Variants in NAALADL2 observed in about 807,000 individuals in gnomAD.
NAALADL2 encodes inactive N-acetylated-alpha-linked acidic dipeptidase-like protein 2.
A neutral mutation model predicts 87.2 loss-of-function variants in NAALADL2; 76 were observed. The observed-to-expected ratio is 0.87, with a 90% confidence interval of 0.72 to 1.05. The LOEUF (loss-of-function observed/expected upper bound fraction) is 1.05, where lower values mean the gene tolerates loss of function less well. Ranked by LOEUF, NAALADL2 falls within the 50% of genes least tolerant of loss-of-function variation. The probability of loss-of-function intolerance (pLI) is 0.00; values close to 1 mark genes in which losing one functional copy is unlikely to be tolerated. For synonymous variants in NAALADL2, 354 were observed against 331.0 expected (o/e 1.07, Z -0.75); for missense variants, 1,089 against 945.8 (o/e 1.15, Z -1.99).
In NAALADL2 at chr3:174,736,344, A is replaced by C. The variant is rs188948844; in HGVS notation, c.-114-1297A>C. Reference sequence around the variant, plus strand: ...CTGTGTCCAGGTAGAATGAGGTGTGAAGACAAATGGAGGGTGAGCAAGGTG... The same window carrying C: ...CTGTGTCCAGGTAGAATGAGGTGTGCAGACAAATGGAGGGTGAGCAAGGTG... On this transcript the variant is annotated intron_variant, in intron 2 of 3. Coordinates refer to the NAALADL2 transcript ENST00000434257. Among the ~76,000 whole-genome samples the C allele has an allele frequency of 2.0e-3, 311 of 152,212 alleles. 1 individual carries two copies. Among genetic ancestry groups the C allele is most frequent in the African/African-American group, 7.2e-3 (301 of 41,554 alleles).
chr3:175,359,969 G>C (rs1764794841), intron 5 of NAALADL2, among the ~76,000 whole-genome samples: 1 of 152,056 alleles, frequency 6.6e-6, no homozygotes, highest in Non-Finnish European at 1.5e-5. Flanking sequence ...TTCTCATTTA[G>C]CTGTGTTTTC....
chr3:175,569,601 A>C (rs1717718492), intron 9 of NAALADL2, among the ~76,000 whole-genome samples: 1 of 152,086 alleles, frequency 6.6e-6, no homozygotes, highest in South Asian at 2.1e-4. Flanking sequence ...CCCTTATAAA[A>C]AGAGAGGTAG....
intron 9 of NAALADL2, among the ~76,000 whole-genome samples, chr3:175,513,216 G>A (rs1446621290): frequency 6.6e-6 from 1 of 152,082 alleles, no homozygotes; most frequent in Non-Finnish European, 1.5e-5. Flanking sequence ...TCCTGGAGAC[G>A]AAAAGAAAAT....
At chr3:175,489,173 A>C (rs1464349150) in intron 9 of NAALADL2, among the ~76,000 whole-genome samples, 1 of 152,222 alleles carries the variant, frequency 6.6e-6, no homozygotes, top group Non-Finnish European at 1.5e-5. Flanking sequence ...TATTTAGAAA[A>C]ATATATTAAA....
chr3:174,512,556 G>A (rs1450072234), intron 1 of NAALADL2, among the ~76,000 whole-genome samples: 4 of 152,154 alleles, frequency 2.6e-5, no homozygotes, highest in Non-Finnish European at 5.9e-5. Context: ...CAGATCAATT[G>A]TGAGTTAATA....
intron 3 of NAALADL2, among the ~76,000 whole-genome samples, chr3:174,779,311 C>G (rs1376486799): frequency 2.1e-5 from 3 of 144,726 alleles, no homozygotes; most frequent in Non-Finnish European, 4.6e-5. Context: ...CCTTTGTCCA[C>G]TTTTGATGGG....
intron 3 of NAALADL2, among the ~76,000 whole-genome samples, chr3:174,818,188 CTT>C (rs1190989495): frequency 3.9e-5 from 6 of 152,152 alleles, no homozygotes; most frequent in Non-Finnish European, 8.8e-5. Flanking sequence ...ATAAAAATCA[CTT>C]TGATTGATTT....
intron 1 of NAALADL2, among the ~76,000 whole-genome samples, chr3:174,885,485 A>C (rs969120929): frequency 6.6e-6 from 1 of 152,168 alleles, no homozygotes; most frequent in Non-Finnish European, 1.5e-5. Context: ...GTATAGAGTC[A>C]CTAAACTCCT....
At chr3:174,773,516 A>G (rs1714833144) in intron 3 of NAALADL2, among the ~76,000 whole-genome samples, 1 of 152,192 alleles carries the variant, frequency 6.6e-6, no homozygotes, top group Non-Finnish European at 1.5e-5. Context: ...TGAGACTTTC[A>G]TAGAAGTGGT....
intron 1 of NAALADL2, among the ~76,000 whole-genome samples, chr3:174,532,320 C>T (rs1007571632): frequency 2.6e-5 from 4 of 151,866 alleles, no homozygotes; most frequent in African/African-American, 2.4e-5. Context: ...TAAGTGATCC[C>T]GAAATAAGGA....
intron 1 of NAALADL2, among the ~76,000 whole-genome samples, chr3:174,521,593 A>AAAAG (rs1720298399): frequency 1.3e-5 from 2 of 150,518 alleles, no homozygotes; most frequent in South Asian, 4.2e-4. Flanking sequence ...AAAAAAAAAA[A>AAAAG]AAAGAAAAGA....
intron 9 of NAALADL2, among the ~76,000 whole-genome samples, chr3:175,527,379 T>G (rs1227882877): frequency 2.0e-5 from 3 of 152,184 alleles, no homozygotes; most frequent in Non-Finnish European, 4.4e-5. Context: ...TTCTTGATGG[T>G]CAATAACCCA....
intron 1 of NAALADL2, among the ~76,000 whole-genome samples, chr3:175,012,793 A>C (rs1750022042): frequency 6.6e-6 from 1 of 151,796 alleles, no homozygotes; most frequent in Admixed American, 6.6e-5. Flanking sequence ...TTTACAGGAA[A>C]GTTTGCCAAG....
At chr3:174,594,486 G>T (rs574154334) in intron 2 of NAALADL2, among the ~76,000 whole-genome samples, 1 of 152,284 alleles carries the variant, frequency 6.6e-6, no homozygotes, top group Admixed American at 6.5e-5. Context: ...TTAATAGGCT[G>T]TTCTTCTTCC....
At chr3:175,439,668 G>T (rs1014837414) in intron 5 of NAALADL2, among the ~76,000 whole-genome samples, 1 of 149,224 alleles carries the variant, frequency 6.7e-6, no homozygotes, top group African/African-American at 2.5e-5. Context: ...CATATTGTTA[G>T]CCTACTTTTT....
intron 3 of NAALADL2, 89 bp downstream of exon 3, chr3:175,234,293 C>A: frequency 7.3e-7 from 1 of 1,362,384 alleles, no homozygotes; most frequent in Admixed American, 2.1e-5. Flanking sequence ...TGTCAAGATG[C>A]AACATACAAA....
intron 1 of NAALADL2, among the ~76,000 whole-genome samples, chr3:174,915,441 C>T (rs1043614415): frequency 1.3e-5 from 2 of 152,090 alleles, no homozygotes; most frequent in Admixed American, 6.6e-5. Flanking sequence ...GCTTTCCCAA[C>T]TTTATGGTAA....
intron 12 of NAALADL2, among the ~76,000 whole-genome samples, chr3:175,746,321 T>G (rs1268604313): frequency 6.6e-6 from 1 of 151,582 alleles, no homozygotes; most frequent in African/African-American, 2.4e-5. Context: ...GTTTGTTTTT[T>G]TTTTTTTTTA....
chr3:175,228,605 G>A (rs973341950), intron 2 of NAALADL2, among the ~76,000 whole-genome samples: 2 of 151,806 alleles, frequency 1.3e-5, no homozygotes, highest in Admixed American at 1.3e-4. Flanking sequence ...TGAAAGAGCT[G>A]TGATTCAAAG....
Sources: gnomAD v4.1 joint callset for allele counts (sites outside exome capture counted in the v4.1 genomes callset) on GRCh38, gnomAD v4.1.1 for gene constraint, MANE v1.5 for transcripts, NCBI Gene and HGNC (gene_info 2026-07-23, HGNC 2026-07-21) for gene names.